Variants in SLC44A5 observed in about 807,000 individuals in gnomAD.
SLC44A5 encodes the protein choline transporter-like protein 5.
In SLC44A5, 57 loss-of-function variants were observed where a neutral mutation model predicts 101.8. The ratio of observed to expected loss-of-function variants is 0.56; its 90% CI spans 0.45 to 0.70. The LOEUF (loss-of-function observed/expected upper bound fraction) is 0.70, where lower values mean the gene tolerates loss of function less well. SLC44A5 is among the 30% of genes least tolerant of loss of function. The probability of loss-of-function intolerance (pLI) is 0.00; values close to 1 mark genes in which losing one functional copy is unlikely to be tolerated. For synonymous variants in SLC44A5, 281 were observed against 290.9 expected (o/e 0.97, Z 0.35); for missense variants, 737 against 853.1 (o/e 0.86, Z 1.70).
At chr1:75,251,862 C>T (rs1180809472) in intron 6 of SLC44A5, among the ~76,000 whole-genome samples, 1 of 152,108 alleles carries the variant, frequency 6.6e-6, no homozygotes, top group Non-Finnish European at 1.5e-5. Flanking sequence ...AGTAACGAAG[C>T]AGGTTGATAT....
chr1:75,642,178 T>C, the SLC44A5 span: 3 of 650,212 alleles, frequency 4.6e-6, no homozygotes, highest in East Asian at 8.4e-5. Context: ...ATTCTCCTTA[T>C]GTTAGCTGAC....
At chr1:75,374,774 C>T (rs966236925) in intron 3 of SLC44A5, among the ~76,000 whole-genome samples, 1 of 152,140 alleles carries the variant, frequency 6.6e-6, no homozygotes, top group Admixed American at 6.5e-5. Context: ...ACAGCCTTGG[C>T]CCTCTAAAAG....
intron 2 of SLC44A5, among the ~76,000 whole-genome samples, chr1:75,481,703 A>T (rs1161003617): frequency 1.3e-5 from 2 of 152,214 alleles, no homozygotes; most frequent in African/African-American, 4.8e-5. Flanking sequence ...AACCACAGTG[A>T]GATACCATCT....
At chr1:75,537,577 A>C (rs1930320) in intron 2 of SLC44A5, among the ~76,000 whole-genome samples, 104,215 of 152,072 alleles carry the variant, frequency 0.69, 37,290 homozygotes, top group East Asian at 0.95. Flanking sequence ...CCTATGGCCA[A>C]GGACAACAGC....
chr1:75,248,200 G>A (rs1649277022), intron 7 of SLC44A5, among the ~76,000 whole-genome samples: 1 of 152,078 alleles, frequency 6.6e-6, no homozygotes, highest in African/African-American at 2.4e-5. Flanking sequence ...GAATGGCTGG[G>A]TGGAATTATA....
chr1:75,396,769 CT>C, intron 2 of SLC44A5, 148 bp from the exon 3 acceptor site: 1 of 617,310 alleles, frequency 1.6e-6, no homozygotes, highest in South Asian at 2.0e-5. Flanking sequence ...TGAAGTAATT[CT>C]TTATACACAA....
upstream of SLC44A5, chr1:75,611,165 G>T: frequency 1.1e-6 from 1 of 887,014 alleles, no homozygotes; most frequent in Non-Finnish European, 1.4e-6. Flanking sequence ...TATCACTAAG[G>T]GCCATACCCC....
At chr1:75,606,159 C>T (rs1295789761) in intron 1 of SLC44A5, among the ~76,000 whole-genome samples, 1 of 151,880 alleles carries the variant, frequency 6.6e-6, no homozygotes, top group East Asian at 1.9e-4. Context: ...TGGACTGCCA[C>T]AGTCAGCAAC....
At chr1:75,293,573 C>T (rs1328130106) in intron 5 of SLC44A5, among the ~76,000 whole-genome samples, 1 of 152,148 alleles carries the variant, frequency 6.6e-6, no homozygotes, top group Non-Finnish European at 1.5e-5. Context: ...TTTACAAATG[C>T]AATGAAGCAG....
At chr1:75,530,355 A>G (rs1225493365) in intron 2 of SLC44A5, among the ~76,000 whole-genome samples, 2 of 152,282 alleles carry the variant, frequency 1.3e-5, no homozygotes, top group East Asian at 3.9e-4. Flanking sequence ...AGGTACAGCA[A>G]AATGCTACCC....
chr1:75,336,522 T>C (rs1007403425), intron 4 of SLC44A5, among the ~76,000 whole-genome samples: 5 of 152,180 alleles, frequency 3.3e-5, no homozygotes, highest in Non-Finnish European at 7.4e-5. Context: ...CATCCTTTTT[T>C]CAGGATAGTT....
At chr1:75,207,701 T>C (rs893427548) in intron 23 of SLC44A5, among the ~76,000 whole-genome samples, 2 of 152,184 alleles carry the variant, frequency 1.3e-5, no homozygotes, top group Non-Finnish European at 2.9e-5. Flanking sequence ...TTCTATACAA[T>C]AGTCCCCTCT....
At chr1:75,488,464 T>G (rs1668269936) in intron 2 of SLC44A5, among the ~76,000 whole-genome samples, 1 of 152,192 alleles carries the variant, frequency 6.6e-6, no homozygotes, top group Admixed American at 6.5e-5. Context: ...GGATCACCAT[T>G]GCATACGTGG....
chr1:75,219,307 T>C lies in SLC44A5; in HGVS notation c.1216A>G (p.Ile406Val). The C allele has an allele frequency of 1.2e-6, 2 of 1,613,448 alleles. No homozygotes were observed. The highest frequency in any genetic ancestry group is 1.7e-6 in the Non-Finnish European group (2 of 1,179,480). Reference sequence around the variant, plus strand: ...TGTATACAATGCCCCCCTGGAGCTATGACTTTGTATACAGGTACCCCCGAT... The same window carrying C: ...TGTATACAATGCCCCCCTGGAGCTACGACTTTGTATACAGGTACCCCCGAT... ...ATSGVPVYKV[I>V]APGGHCIHEN... Residue 406 changes from isoleucine to valine, a missense_variant, in exon 16 of 24, where the codon ATA becomes GTA. Around this residue, in one of 3 missense-constraint regions of SLC44A5, gnomAD observed 665 missense variants for 764.4 expected, o/e 0.87. Coordinates refer to ENST00000370859, the MANE Select transcript of SLC44A5 (RefSeq NM_001130058.2).
chr1:75,226,244 G>A (rs1355550166), intron 13 of SLC44A5, among the ~76,000 whole-genome samples: 2 of 152,076 alleles, frequency 1.3e-5, no homozygotes, highest in Admixed American at 1.3e-4. Flanking sequence ...GTTTGATACA[G>A]TATTTTTTTT....
At chr1:75,432,658 CA>C (rs1213583881) in intron 2 of SLC44A5, among the ~76,000 whole-genome samples, 1 of 152,004 alleles carries the variant, frequency 6.6e-6, no homozygotes, top group Non-Finnish European at 1.5e-5. Flanking sequence ...AAATTATACC[CA>C]GCTTCATTTT....
At chr1:75,677,585 AAAC>A in the SLC44A5 span, 1 of 288,660 alleles carries the variant, frequency 3.5e-6, no homozygotes, top group African/African-American at 2.4e-5. Context: ...AAATGCCACA[AAAC>A]AACTGGAAAA....
intron 3 of SLC44A5, among the ~76,000 whole-genome samples, chr1:75,351,574 T>A (rs575052242): frequency 6.6e-6 from 1 of 152,238 alleles, no homozygotes; most frequent in Non-Finnish European, 1.5e-5. Flanking sequence ...ATTGGAAGCA[T>A]CAGGCTTTCT....
chr1:75,634,184 T>G, the SLC44A5 span, among the ~76,000 whole-genome samples: 1 of 152,184 alleles, frequency 6.6e-6, no homozygotes, highest in Non-Finnish European at 1.5e-5. Flanking sequence ...AAAATTCTCT[T>G]TTTTGGTTGT....
Sources: allele counts gnomAD v4.1 joint callset (sites outside exome capture counted in the v4.1 genomes callset), GRCh38; gene constraint gnomAD v4.1.1; regional missense constraint gnomAD v4.1.1; transcripts MANE v1.5; gene names NCBI Gene and HGNC (gene_info 2026-07-23, HGNC 2026-07-21).